The following COL6A6 variants were observed in gnomAD, a reference collection of about 807,000 sequenced individuals.
The protein encoded by COL6A6 is collagen type VI alpha 6 chain, also known as collagen alpha-6(VI) chain.
COL6A6 carries 183 observed loss-of-function variants against 208.6 expected under a neutral mutation model. The ratio of observed to expected loss-of-function variants is 0.88; its 90% CI spans 0.78 to 0.99. The LOEUF is 0.99. COL6A6 is among the 50% of genes least tolerant of loss of function. The pLI, the probability that COL6A6 is intolerant of heterozygous loss-of-function variation, is 0.00. For synonymous variants in COL6A6, 973 were observed against 1,011.8 expected, an observed-to-expected ratio of 0.96 and a Z score of 0.73; for missense variants, 2,816 against 2,815.2, an observed-to-expected ratio of 1.00 and a Z score of -0.01.
rs139515255 is a variant in COL6A6 at position 130,573,848 on chromosome 3, A to C, written c.2978-108A>C. 1,486 of 736,110 alleles carry C rather than the reference A, an allele frequency of 2.0e-3. 9 individuals are homozygous for C. The African/African-American group carries it at 0.023, about 11-fold the overall frequency. 45.6% of individuals were successfully genotyped at this position (736,110 alleles called of 1,614,324 possible). A position where few individuals can be genotyped will look rare whatever the true frequency, so the allele number is the denominator to read the frequency against. On this transcript the variant is annotated intron_variant, in intron 7 of 36. Transcript: ENST00000358511. Reference sequence around the variant, plus strand: ...CCTCCCAAAGTGCTGGGATTACAGGAGTGAGCCACCGCGCCCGGCCTATAG... The same window carrying C: ...CCTCCCAAAGTGCTGGGATTACAGGCGTGAGCCACCGCGCCCGGCCTATAG...
intron 20 of COL6A6, among the ~76,000 whole-genome samples, chr3:130,605,268 C>T (rs999673646): frequency 1.3e-5 from 2 of 152,052 alleles, no homozygotes; most frequent in African/African-American, 4.8e-5. Context: ...GTATTTCTAT[C>T]TTTCCCCTTT....
intron 29 of COL6A6, among the ~76,000 whole-genome samples, chr3:130,642,120 A>AT (rs1309595979): frequency 2.0e-5 from 3 of 151,832 alleles, no homozygotes; most frequent in Admixed American, 6.6e-5. Context: ...GCTCTGTTGC[A>AT]TTTTTTTCTT....
In COL6A6 at chr3:130,661,726, C is replaced by T. The variant is rs371924042; in HGVS notation, c.5920C>T (p.Arg1974Trp). 53 of 1,613,744 alleles carry T rather than the reference C, an allele frequency of 3.3e-5. No homozygotes were observed. Among genetic ancestry groups the T allele is most frequent in the Middle Eastern group, 1.6e-4 (1 of 6,084 alleles). Residue 1974 changes from arginine to tryptophan, a missense_variant, in exon 35 of 37, where the codon CGG (arginine) becomes TGG (tryptophan). By Grantham distance (101) the Arg-to-Trp change is moderately radical. Coordinates refer to ENST00000358511, the MANE Select transcript of COL6A6 (RefSeq NM_001102608.3). The stretch of plus-strand genomic sequence containing the variant: ...TGCTGCTTTCCTTCTGGATGCCTCC[C>T]GGAACATGGGAAGTGCTGAATTTGA... ...MDAAFLLDAS[R>W]NMGSAEFEDI...
chr3:130,529,061 C>G (rs528103960), intron 1 of COL6A6, among the ~76,000 whole-genome samples: 12 of 152,146 alleles, frequency 7.9e-5, no homozygotes, highest in Non-Finnish European at 1.0e-4. Flanking sequence ...CCACTGCACT[C>G]CAGCCTGGGC....
chr3:130,546,446 C>T (rs1463098031), intron 1 of COL6A6, among the ~76,000 whole-genome samples: 1 of 152,156 alleles, frequency 6.6e-6, no homozygotes, highest in Non-Finnish European at 1.5e-5. Flanking sequence ...TGAGCAGCAG[C>T]AAGATTTATT....
intron 1 of COL6A6, among the ~76,000 whole-genome samples, chr3:130,550,743 T>C (rs1317939394): frequency 6.6e-6 from 1 of 152,144 alleles, no homozygotes; most frequent in African/African-American, 2.4e-5. Context: ...TCCCACAACA[T>C]GTGGGAATTC....
chr3:130,608,518 TTAATA>T (rs1217351059), intron 21 of COL6A6, among the ~76,000 whole-genome samples: 1 of 152,230 alleles, frequency 6.6e-6, no homozygotes, highest in South Asian at 2.1e-4. Flanking sequence ...AATATAAATA[TTAATA>T]TAATCGTGTA....
intron 33 of COL6A6, among the ~76,000 whole-genome samples, chr3:130,655,267 T>C (rs1050586576): frequency 6.6e-6 from 1 of 152,168 alleles, no homozygotes; most frequent in South Asian, 2.1e-4. Context: ...TTTGGTAAGG[T>C]TTACCCATTT....
At chr3:130,557,370 T>C (rs1016351022) in intron 1 of COL6A6, among the ~76,000 whole-genome samples, 4 of 152,272 alleles carry the variant, frequency 2.6e-5, no homozygotes, top group African/African-American at 4.8e-5. Flanking sequence ...AATATTTGTC[T>C]GTGCCTATTG....
chr3:130,609,788 C>T (rs1266312019), intron 22 of COL6A6, among the ~76,000 whole-genome samples: 1 of 151,966 alleles, frequency 6.6e-6, no homozygotes, highest in Non-Finnish European at 1.5e-5. Context: ...ATGTTGGCAG[C>T]TTTTTGCCTG....
intron 24 of COL6A6, among the ~76,000 whole-genome samples, chr3:130,625,209 T>C (rs1013709283): frequency 1.3e-5 from 2 of 152,200 alleles, no homozygotes; most frequent in African/African-American, 4.8e-5. Context: ...GATGATCTCC[T>C]GCTTCCCTTA....
intron 1 of COL6A6, among the ~76,000 whole-genome samples, chr3:130,548,015 ACTC>A (rs2062558422): frequency 6.6e-6 from 1 of 151,662 alleles, no homozygotes; most frequent in Non-Finnish European, 1.5e-5. Context: ...CTGGTCTTGA[ACTC>A]CTCACTTCAG....
chr3:130,605,400 T>C (rs1483994860), intron 20 of COL6A6, among the ~76,000 whole-genome samples: 1 of 151,844 alleles, frequency 6.6e-6, no homozygotes, highest in Admixed American at 6.6e-5. Context: ...GAGATCTTTA[T>C]GCTGCCATGT....
chr3:130,650,679 CA>C (rs2065616259), intron 33 of COL6A6, among the ~76,000 whole-genome samples: 1 of 151,300 alleles, frequency 6.6e-6, no homozygotes, highest in Non-Finnish European at 1.5e-5. Context: ...AGACAAGAAA[CA>C]ATCATTGTCT....
At chr3:130,640,592 T>C (rs933627394) in intron 28 of COL6A6, among the ~76,000 whole-genome samples, 7 of 152,258 alleles carry the variant, frequency 4.6e-5, no homozygotes, top group African/African-American at 1.7e-4. Flanking sequence ...CAAATTAAGT[T>C]GATTTTAAAC....
In COL6A6 at chr3:130,586,566, A is replaced by T. The variant is rs369249026; in HGVS notation, c.4031A>T (p.Asp1344Val). 21 of 1,613,844 alleles carry T rather than the reference A, an allele frequency of 1.3e-5. No homozygotes were observed. The highest frequency in any genetic ancestry group is 1.7e-5 in the Non-Finnish European group (20 of 1,179,864). ...DGPADSSDLADLPYIEFGKGF... is the reference protein window; with the variant it reads ...DGPADSSDLAVLPYIEFGKGF... ...CCTGCTGATTCAAGTGACTTGGCTG[A>T]TCTTCCCTATATTGAATTTGGGAAA... The change falls in exon 11 of 37, where the codon GAT (aspartate) becomes GTT (valine). Residue 1344 changes from aspartate to valine, a missense_variant. Physicochemically the swap from Asp to Val is radical, Grantham distance 152. Coordinates refer to ENST00000358511, the MANE Select transcript of COL6A6 (RefSeq NM_001102608.3).
intron 20 of COL6A6, among the ~76,000 whole-genome samples, chr3:130,600,070 T>G (rs1259602441): frequency 6.6e-6 from 1 of 152,120 alleles, no homozygotes; most frequent in Non-Finnish European, 1.5e-5. Flanking sequence ...AACCTCCAAC[T>G]AGGGGAAAAG....
At chr3:130,550,629 G>GA (rs748476590) in intron 1 of COL6A6, among the ~76,000 whole-genome samples, 25 of 152,284 alleles carry the variant, frequency 1.6e-4, no homozygotes, top group Middle Eastern at 3.4e-3. Context: ...AGCAGAAGCA[G>GA]AACCCCCTCA....
At chr3:130,656,021 T>C (rs2065779797) in intron 33 of COL6A6, among the ~76,000 whole-genome samples, 1 of 152,198 alleles carries the variant, frequency 6.6e-6, no homozygotes. Context: ...CAGCTGGCAC[T>C]GGGGAACATG....
Sources: gnomAD v4.1 joint callset for allele counts (sites outside exome capture counted in the v4.1 genomes callset) on GRCh38, gnomAD v4.1.1 for gene constraint, MANE v1.5 for transcripts, NCBI Gene and HGNC (gene_info 2026-07-23, HGNC 2026-07-21) for gene names.